The following COPE variants were observed in gnomAD, a reference collection of about 807,000 sequenced individuals.
The protein encoded by COPE is coatomer subunit epsilon.
In COPE, 19 loss-of-function variants were observed where a neutral mutation model predicts 42.1. The ratio of observed to expected loss-of-function variants is 0.45; its 90% CI spans 0.31 to 0.66. The LOEUF (loss-of-function observed/expected upper bound fraction) is 0.66. COPE is among the 30% of genes least tolerant of loss of function. The pLI is 0.05. For synonymous variants in COPE, 195 were observed against 181.3 expected (o/e 1.08, Z -0.60); for missense variants, 402 against 416.1 (o/e 0.97, Z 0.30).
intron 3 of COPE, chr19:18,910,703 CAG>C (rs1180923782): frequency 1.9e-6 from 1 of 524,218 alleles, no homozygotes; most frequent in East Asian, 3.1e-5. Flanking sequence ...GTTCTAGGTT[CAG>C]AGAGTGCCTT....
At chr19:18,918,734 G>GT (rs146987235) in intron 1 of COPE, among the ~76,000 whole-genome samples, 6,349 of 152,288 alleles carry the variant, frequency 0.042, 196 homozygotes, top group Non-Finnish European at 0.061. Flanking sequence ...CTGGGAAACT[G>GT]TGTTTATCAT....
chr19:18,911,132 G>T, intron 2 of COPE, 61 bp from the exon 3 acceptor site: 1 of 1,487,476 alleles, frequency 6.7e-7, no homozygotes. Flanking sequence ...CATGTCTTCA[G>T]CTTGGCAGGG....
At chr19:18,917,827 C>A (rs2056868210) in intron 1 of COPE, among the ~76,000 whole-genome samples, 1 of 152,046 alleles carries the variant, frequency 6.6e-6, no homozygotes, top group Non-Finnish European at 1.5e-5. Flanking sequence ...AAGCACATTC[C>A]TTTCCCTTCA....
chr19:18,902,725 GAAGGA>G (rs1568314588), intron 7 of COPE, among the ~76,000 whole-genome samples: 8 of 43,782 alleles, frequency 1.8e-4, no homozygotes, highest in African/African-American at 1.3e-3. Context: ...GAAAGGAAAG[GAAGGA>G]AAGGAAGGAA....
Position 18,907,009 on chromosome 19 carries a change from T to C in COPE, c.394A>G (p.Asn132Asp). ...MAASIYLHDQNPDAALRALHQ... is the reference protein window; with the variant it reads ...MAASIYLHDQDPDAALRALHQ... ...AGCGCACGCAGGGCGGCATCCGGGT[T>C]CTGGTCGTGGAGATAGATGGAGGCG... The change falls in exon 4 of 10, where the codon AAC becomes GAC. Residue 132 changes from asparagine to aspartate, a missense_variant. Transcript: ENST00000262812. The C allele has an allele frequency of 6.3e-7, 1 of 1,591,560 alleles. No homozygotes were observed. Among genetic ancestry groups the C allele is most frequent in the Non-Finnish European group, 8.6e-7 (1 of 1,169,478 alleles).
chr19:18,909,074 C>T (rs975741327), intron 3 of COPE, among the ~76,000 whole-genome samples: 6 of 152,240 alleles, frequency 3.9e-5, no homozygotes, highest in African/African-American at 7.2e-5. Context: ...AATGAGGTCG[C>T]GGCTGTGCAG....
In COPE at chr19:18,919,230, C is replaced by T; in HGVS notation, c.119G>A (p.Arg40Gln). ...GCCCCTGCGCGGCCGCACCTTCACC[C>T]GCTGCGCCTCGTTTATGCACTGCTG... ...SYQQCINEAQ[R>Q]VKLSSPERDV... The change falls in exon 1 of 10, where the codon CGG (arginine) becomes CAG (glutamine). Residue 40 changes from arginine (R) to glutamine (Q), a missense_variant. Arg to Gln is a conservative substitution (Grantham distance 43). Transcript: ENST00000262812. 6.2e-7 allele frequency: 1 copy of T among 1,611,924 alleles called. No homozygotes were observed. The highest frequency in any genetic ancestry group is 8.5e-7 in the Non-Finnish European group (1 of 1,178,924).
intron 3 of COPE, among the ~76,000 whole-genome samples, 182 bp from the exon 4 acceptor site, chr19:18,907,294 T>C (rs777536087): frequency 1.3e-5 from 2 of 151,874 alleles, no homozygotes; most frequent in Non-Finnish European, 2.9e-5. Flanking sequence ...ATGAAGCACC[T>C]CTCATGCTGG....
At chr19:18,911,216 A>C in intron 2 of COPE, 145 bp from the exon 3 acceptor site, 1 of 683,118 alleles carries the variant, frequency 1.5e-6, no homozygotes, top group Non-Finnish European at 2.6e-6. Flanking sequence ...ACTGCAGTAC[A>C]CTGTGGAGGG....
rs542276277 is a variant in COPE, at chr19:18,906,333, G to A, written c.443+627C>T. ...GCCTCCCAAGTAGCTGGAAACATAG[G>A]TGCATGTCACCATGCCTGGCTCGCC... On this transcript the variant is annotated intron_variant, in intron 4 of 9. Coordinates refer to ENST00000262812, the MANE Select transcript of COPE (RefSeq NM_007263.4). 29 of 187,848 alleles carry A rather than the reference G, an allele frequency of 1.5e-4. 1 individual carries two copies. In the Middle Eastern group the frequency reaches 6.3e-3, roughly 40 times the overall value. 11.6% of individuals were successfully genotyped at this position (187,848 alleles called of 1,614,324 possible).
chr19:18,905,655 C>G, intron 4 of COPE, 26 bp from the exon 5 acceptor site: 1 of 1,582,378 alleles, frequency 6.3e-7, no homozygotes, highest in South Asian at 1.1e-5. Flanking sequence ...AGGGGGCGGT[C>G]AGCGGGTCGC....
chr19:18,905,263 GCA>G (rs1179784855), intron 5 of COPE, among the ~76,000 whole-genome samples: 3 of 152,176 alleles, frequency 2.0e-5, no homozygotes, highest in South Asian at 4.1e-4. Flanking sequence ...CAGCCCCACG[GCA>G]CAGTTACAAG....
In COPE at chr19:18,916,229, T is replaced by C. The variant is rs976880558; in HGVS notation, c.126+2994A>G. 5.4e-5 allele frequency among the ~76,000 whole-genome samples: 8 copies of C among 148,664 alleles called. 1 individual carries two copies. The highest frequency in any genetic ancestry group is 2.0e-4 in the African/African-American group (8 of 40,438). On this transcript the variant is annotated intron_variant, in intron 1 of 9. Transcript: ENST00000262812. ...TTAGCTGGGCGTGGTGGCAGGCACC[T>C]GTAATCCCAGCTACTCTGAAGGCTG... is the stretch of plus-strand genomic sequence containing the variant.
chr19:18,906,846 G>T, intron 4 of COPE, 114 bp downstream of exon 4: 2 of 1,271,410 alleles, frequency 1.6e-6, no homozygotes, highest in Non-Finnish European at 2.1e-6. Flanking sequence ...CCTCATTTCA[G>T]CACCACCTTT....
chr19:18,908,626 C>T (rs1160753855), intron 3 of COPE, among the ~76,000 whole-genome samples: 2 of 151,120 alleles, frequency 1.3e-5, no homozygotes, highest in Non-Finnish European at 2.9e-5. Context: ...ATGCCATTCT[C>T]CCGCCTCAGC....
At chr19:18,911,555 ATTTT>A (rs72129364) in intron 2 of COPE, among the ~76,000 whole-genome samples, 27,973 of 139,706 alleles carry the variant, frequency 0.2, 3,447 homozygotes, top group African/African-American at 0.37. Context: ...TTCCTTCCCC[ATTTT>A]TTTTTTTTTC....
chr19:18,902,748 A>AAAGGAAGG (rs377535730), intron 7 of COPE, among the ~76,000 whole-genome samples: 1 of 51,930 alleles, frequency 1.9e-5, no homozygotes, highest in Non-Finnish European at 3.5e-5. Context: ...GAAAGGAAGG[A>AAAGGAAGG]AAGGAAGGAA....
intron 7 of COPE, among the ~76,000 whole-genome samples, chr19:18,902,888 C>G (rs1400877755): frequency 6.6e-6 from 1 of 151,500 alleles, no homozygotes; most frequent in Non-Finnish European, 1.5e-5. Context: ...GCAGCGCTCT[C>G]TCAACGAAGA....
intron 7 of COPE, among the ~76,000 whole-genome samples, chr19:18,902,969 A>G (rs1179444783): frequency 1.3e-5 from 2 of 151,586 alleles, no homozygotes; most frequent in East Asian, 1.9e-4. Flanking sequence ...GTATGTACTC[A>G]GGTGAGGGGT....
Sources: allele counts gnomAD v4.1 joint callset (sites outside exome capture counted in the v4.1 genomes callset), GRCh38; gene constraint gnomAD v4.1.1; transcripts MANE v1.5; gene names NCBI Gene and HGNC (gene_info 2026-07-23, HGNC 2026-07-21).